ZBTB7C: variants seen among roughly 807,000 people sequenced by gnomAD.
ZBTB7C encodes zinc finger and BTB domain-containing protein 7C.
Under a neutral mutation model 25.7 loss-of-function variants are expected in ZBTB7C, and 8 were observed. The observed-to-expected ratio is 0.31, with a 90% CI of 0.18 to 0.56. ZBTB7C has a LOEUF of 0.56. Among genes scored for constraint, ZBTB7C ranks in the 20% least tolerant of loss-of-function variants. ZBTB7C has a pLI of 0.91. For missense variants in ZBTB7C, 824 were observed against 855.2 expected, an observed-to-expected ratio of 0.96 and a Z score of 0.46; for synonymous variants, 394 against 369.0, an observed-to-expected ratio of 1.07 and a Z score of -0.78.
intron 2 of ZBTB7C, among the ~76,000 whole-genome samples, chr18:48,273,042 T>C (rs961890124): frequency 2.0e-5 from 3 of 152,214 alleles, no homozygotes; most frequent in East Asian, 1.9e-4. Context: ...AGGTTTTCTC[T>C]TGGAGATGAC....
intron 2 of ZBTB7C, among the ~76,000 whole-genome samples, chr18:48,270,984 T>C (rs1190758036): frequency 2.0e-5 from 3 of 152,102 alleles, no homozygotes; most frequent in Non-Finnish European, 4.4e-5. Flanking sequence ...TGAACCAAGA[T>C]AGAAGAACAC....
intron 2 of ZBTB7C, among the ~76,000 whole-genome samples, chr18:48,282,976 TATG>T (rs2044916703): frequency 6.6e-6 from 1 of 152,202 alleles, no homozygotes; most frequent in Non-Finnish European, 1.5e-5. Flanking sequence ...ACAATATGCC[TATG>T]ATGTGTACAT....
At position 48,109,268 on chromosome 18, in the gene ZBTB7C, C is replaced by T. The variant is rs79874995; in HGVS notation, c.-16-68145G>A. Among the ~76,000 whole-genome samples the T allele has an allele frequency of 1.3e-5, 2 of 152,162 alleles. 1 individual carries two copies. Among genetic ancestry groups the T allele is most frequent in the South Asian group, 4.1e-4 (2 of 4,832 alleles). On this transcript the variant is annotated intron_variant, in intron 3 of 4. Coordinates refer to ENST00000590800, the MANE Select transcript of ZBTB7C (RefSeq NM_001318841.2). ...TGGAAAGACCCCCATCCAGGCCAGC[C>T]CTGCCCCTGCCTTCGGGTTCCCAAT...
rs2042227333 is a variant in ZBTB7C at position 48,192,801 on chromosome 18, GTCA to G, written c.-78-6809_-78-6807del. Reference sequence around the variant, plus strand: ...GTTCATAACAATGTGTCAATATTGTGTCATCGATTATAACAAATGTGCCACACT... The same window carrying G: ...GTTCATAACAATGTGTCAATATTGTGTCGATTATAACAAATGTGCCACACT... On this transcript the variant is annotated intron_variant, in intron 2 of 4. Coordinates refer to ENST00000590800, the MANE Select transcript of ZBTB7C (RefSeq NM_001318841.2). Among the ~76,000 whole-genome samples the G allele has an allele frequency of 2.6e-5, 4 of 152,182 alleles. No homozygotes were observed. The South Asian group carries it at 8.3e-4, about 32-fold the overall frequency.
intron 3 of ZBTB7C, among the ~76,000 whole-genome samples, chr18:48,103,919 G>A (rs2038937634): frequency 1.3e-5 from 2 of 152,176 alleles, no homozygotes; most frequent in Admixed American, 1.3e-4. Flanking sequence ...ATTAATCGTT[G>A]CCAGGGGTCG....
intron 1 of ZBTB7C, among the ~76,000 whole-genome samples, chr18:48,399,364 T>C (rs959784380): frequency 1.3e-5 from 2 of 152,168 alleles, no homozygotes; most frequent in African/African-American, 2.4e-5. Flanking sequence ...AAAAATTAAA[T>C]TAAAAATTCA....
At chr18:48,053,632 C>T (rs1005097197) in intron 3 of ZBTB7C, among the ~76,000 whole-genome samples, 5 of 152,304 alleles carry the variant, frequency 3.3e-5, no homozygotes, top group African/African-American at 1.2e-4. Flanking sequence ...GAGGCTTGAA[C>T]CTAAGCAGTC....
intron 3 of ZBTB7C, among the ~76,000 whole-genome samples, chr18:48,107,466 A>G (rs573221830): frequency 6.6e-6 from 1 of 152,200 alleles, no homozygotes; most frequent in African/African-American, 2.4e-5. Flanking sequence ...GGGGACAGGC[A>G]CTAACACAGC....
At chr18:48,059,874 C>T (rs2037059309) in intron 3 of ZBTB7C, among the ~76,000 whole-genome samples, 1 of 152,230 alleles carries the variant, frequency 6.6e-6, no homozygotes, top group African/African-American at 2.4e-5. Context: ...GAGGTCCATC[C>T]CCCCACCCGC....
chr18:48,029,535 TG>T lies in ZBTB7C; in HGVS notation c.1584del (p.Ser529AlafsTer14). Reference protein sequence around the residue: ...LGGAAVCLPGPSPAKHFLAAP... With the variant: ...LGGAAVCLPGXSPAKHFLAAP... The stretch of plus-strand genomic sequence containing the variant: ...GCTGCCAGGAAGTGCTTGGCGGGGC[TG>T]GGGCCCGGGAGGCACACAGCTGCGC... On this transcript the variant is annotated frameshift_variant, in exon 5 of 5. Transcript: ENST00000590800. LOFTEE classifies it high-confidence loss of function. The T allele has an allele frequency of 1.9e-6, 3 of 1,570,676 alleles. No individual in the cohort carries two copies. Among genetic ancestry groups the T allele is most frequent in the East Asian group, 2.4e-5 (1 of 42,412 alleles).
rs1299115105 is a variant in ZBTB7C, at chr18:48,335,966, C to A, written c.-79+2208G>T. On this transcript the variant is annotated intron_variant, in intron 2 of 4. Coordinates refer to ENST00000590800, the MANE Select transcript of ZBTB7C (RefSeq NM_001318841.2). ...GAAGCCCGCCCCAGTGGCTATTGGG[C>A]CACCTCACTCCAGGTCACAAGTCTT... 3.9e-5 allele frequency among the ~76,000 whole-genome samples: 6 copies of A among 152,296 alleles called. No homozygotes were observed. In the East Asian group the frequency reaches 1.2e-3, roughly 29 times the overall value.
At chr18:48,146,672 A>T (rs562204276) in intron 3 of ZBTB7C, among the ~76,000 whole-genome samples, 6 of 152,346 alleles carry the variant, frequency 3.9e-5, no homozygotes, top group South Asian at 2.1e-4. Flanking sequence ...CTCAAAAAAA[A>T]TTTTCTTTCA....
intron 1 of ZBTB7C, among the ~76,000 whole-genome samples, chr18:48,375,279 C>T (rs560433971): frequency 1.4e-4 from 22 of 152,294 alleles, no homozygotes; most frequent in East Asian, 5.8e-4. Context: ...TGGCCACATT[C>T]GGCAAGGCTC....
intron 3 of ZBTB7C, among the ~76,000 whole-genome samples, chr18:48,093,904 A>G (rs1421958680): frequency 1.3e-5 from 2 of 152,186 alleles, no homozygotes; most frequent in East Asian, 3.9e-4. Flanking sequence ...AAAAATACAA[A>G]AAAAATTAGC....
intron 3 of ZBTB7C, among the ~76,000 whole-genome samples, chr18:48,096,073 C>T (rs1281317144): frequency 2.6e-5 from 4 of 152,202 alleles, no homozygotes; most frequent in African/African-American, 9.6e-5. Context: ...ATCGGGGGCT[C>T]AGGTTCTTGG....
chr18:48,391,693 T>G (rs2047906298), intron 1 of ZBTB7C, among the ~76,000 whole-genome samples: 1 of 152,214 alleles, frequency 6.6e-6, no homozygotes, highest in Non-Finnish European at 1.5e-5. Context: ...CCCAGAAGGC[T>G]TGTTGAACTA....
At chr18:48,078,934 GTTCATTCA>G (rs61032572) in intron 3 of ZBTB7C, among the ~76,000 whole-genome samples, 3 of 152,024 alleles carry the variant, frequency 2.0e-5, no homozygotes, top group East Asian at 1.9e-4. Context: ...ATCACAATTT[GTTCATTCA>G]TTCATTCATT....
At chr18:48,146,369 C>G (rs1001957294) in intron 3 of ZBTB7C, among the ~76,000 whole-genome samples, 1 of 152,126 alleles carries the variant, frequency 6.6e-6, no homozygotes, top group African/African-American at 2.4e-5. Flanking sequence ...TCTAAATAAA[C>G]TACTGAAACA....
intron 2 of ZBTB7C, among the ~76,000 whole-genome samples, chr18:48,239,040 T>TGGTGGGAAGGTCACTTCCCC (rs1456250847): frequency 1.3e-5 from 2 of 152,132 alleles, no homozygotes; most frequent in African/African-American, 4.8e-5. Flanking sequence ...GTGACTTCCC[T>TGGTGGGAAGGTCACTTCCCC]GGTGGGAAGG....
Sources: gnomAD v4.1 joint callset for allele counts (sites outside exome capture counted in the v4.1 genomes callset) on GRCh38, gnomAD v4.1.1 for gene constraint, MANE v1.5 for transcripts, NCBI Gene and HGNC (gene_info 2026-07-23, HGNC 2026-07-21) for gene names.